ELOVL6: variants seen among roughly 807,000 people sequenced by gnomAD.
ELOVL6 encodes the protein ELOVL fatty acid elongase 6.
Under a neutral mutation model 31.7 loss-of-function variants are expected in ELOVL6, and 8 were observed. The observed-to-expected ratio is 0.25, with a 90% CI of 0.15 to 0.45. The LOEUF (loss-of-function observed/expected upper bound fraction) is 0.45, where lower values mean the gene tolerates loss of function less well. Ranked by LOEUF, ELOVL6 falls within the 20% of genes least tolerant of loss-of-function variation. The pLI, the probability that ELOVL6 is intolerant of heterozygous loss-of-function variation, is 1.00. For synonymous variants in ELOVL6, 101 were observed against 117.7 expected (o/e 0.86, Z 0.92); for missense variants, 126 against 326.4 (o/e 0.39, Z 4.73).
intron 1 of ELOVL6, among the ~76,000 whole-genome samples, chr4:110,120,403 C>G (rs1247693114): frequency 6.6e-6 from 1 of 150,566 alleles, no homozygotes. Context: ...CTTCTTGAGT[C>G]TAAGGCCTTT....
intron 2 of ELOVL6, among the ~76,000 whole-genome samples, chr4:110,104,073 T>TA (rs1355646989): frequency 6.6e-6 from 1 of 152,090 alleles, no homozygotes; most frequent in East Asian, 1.9e-4. Flanking sequence ...TTAACCAAGG[T>TA]AGGGGTTGCA....
At position 110,061,549 on chromosome 4, in the gene ELOVL6, C is replaced by CTTTTTTTTTTTTTTTTTTTTTTT. The variant is rs57846282; in HGVS notation, c.222-1818_222-1796dup. ...CTGTCTTTCCCTCACCAAATGATGG[C>CTTTTTTTTTTTTTTTTTTTTTTT]TTTTTTTTTTTTTTTTTTTTTTTTT... On this transcript the variant is annotated intron_variant, in intron 2 of 3. Coordinates refer to ENST00000302274, the MANE Select transcript of ELOVL6 (RefSeq NM_024090.3). Among the ~76,000 whole-genome samples the CTTTTTTTTTTTTTTTTTTTTTTT allele has an allele frequency of 1.9e-4, 14 of 72,380 alleles. 2 individuals are homozygous for CTTTTTTTTTTTTTTTTTTTTTTT. The highest frequency in any genetic ancestry group is 1.0e-3 in the East Asian group (2 of 1,970). 47.5% of individuals were successfully genotyped at this position (72,380 alleles called of 152,430 possible). A position where few individuals can be genotyped will look rare whatever the true frequency, so the allele number is the denominator to read the frequency against.
chr4:110,084,136 TG>T (rs1483933389), intron 2 of ELOVL6, among the ~76,000 whole-genome samples: 3 of 43,672 alleles, frequency 6.9e-5, no homozygotes, highest in African/African-American at 4.7e-4. Context: ...TATGTGATAA[TG>T]ATATATATGA....
At chr4:110,149,248 C>T (rs1268666194) in intron 1 of ELOVL6, among the ~76,000 whole-genome samples, 3 of 152,168 alleles carry the variant, frequency 2.0e-5, no homozygotes, top group African/African-American at 7.2e-5. Flanking sequence ...AAAAATACGA[C>T]TAACCTTTGA....
At chr4:110,176,782 G>A (rs1759118187) in intron 1 of ELOVL6, among the ~76,000 whole-genome samples, 1 of 152,170 alleles carries the variant, frequency 6.6e-6, no homozygotes, top group Non-Finnish European at 1.5e-5. Context: ...TTGTTGCCCA[G>A]GCTGGAGTGC....
At position 110,048,027 on chromosome 4, in the gene ELOVL6, CTT is replaced by C. The variant is rs1339897868; in HGVS notation, c.*3309_*3310del. On this transcript the variant is annotated 3_prime_UTR_variant, in exon 4 of 4. Transcript: ENST00000302274. ...TAACTCAGTCTAGACATATTAGTCTCTTTTCTCATCAGTTTCTTTACATGAGC... is the reference window on the plus strand; with the variant it reads ...TAACTCAGTCTAGACATATTAGTCTCTTCTCATCAGTTTCTTTACATGAGC... The C allele has an allele frequency of 6.6e-6, 1 of 151,926 alleles. No homozygotes were observed. The highest frequency in any genetic ancestry group is 1.5e-5 in the Non-Finnish European group (1 of 67,982). 9.4% of individuals were successfully genotyped at this position (151,926 alleles called of 1,614,324 possible). A position where few individuals can be genotyped will look rare whatever the true frequency, so the allele number is the denominator to read the frequency against.
chr4:110,084,588 A>ATTTTTTTTTTTTTTT (rs1168880044), intron 2 of ELOVL6, among the ~76,000 whole-genome samples: 1 of 29,660 alleles, frequency 3.4e-5, no homozygotes, highest in African/African-American at 2.2e-4. Context: ...ATATATATAT[A>ATTTTTTTTTTTTTTT]TTTTTTTTTT....
At chr4:110,082,708 A>C (rs918391442) in intron 2 of ELOVL6, among the ~76,000 whole-genome samples, 1 of 152,176 alleles carries the variant, frequency 6.6e-6, no homozygotes, top group South Asian at 2.1e-4. Context: ...ACAAACCTGC[A>C]CATTGTGCAC....
chr4:110,105,264 A>G (rs886239349), intron 2 of ELOVL6, among the ~76,000 whole-genome samples: 1 of 152,194 alleles, frequency 6.6e-6, no homozygotes, highest in Non-Finnish European at 1.5e-5. Context: ...TTACTGCATG[A>G]CCAATTTGGA....
chr4:110,081,482 A>G (rs546416568), intron 2 of ELOVL6, among the ~76,000 whole-genome samples: 53 of 152,336 alleles, frequency 3.5e-4, no homozygotes, highest in Admixed American at 3.2e-3. Context: ...GACAAAAACA[A>G]GAAATGGGGA....
chr4:110,090,257 A>T (rs1248758858), intron 2 of ELOVL6, among the ~76,000 whole-genome samples: 1 of 152,180 alleles, frequency 6.6e-6, no homozygotes, highest in Middle Eastern at 3.2e-3. Flanking sequence ...TAGACTGTGT[A>T]TGGAGAAGGG....
Position 110,197,819 on chromosome 4 carries a change from A to T in ELOVL6, c.89+428T>A, listed in dbSNP as rs528905344. On this transcript the variant is annotated intron_variant, in intron 1 of 3. Coordinates refer to ENST00000302274, the MANE Select transcript of ELOVL6 (RefSeq NM_024090.3). ...GAGAGGGTTAAAGGCAACAGGAGACAAGGTCCTCCCTCCACTGCCTTTCAC... is the reference window on the plus strand; with the variant it reads ...GAGAGGGTTAAAGGCAACAGGAGACTAGGTCCTCCCTCCACTGCCTTTCAC... 50 of 194,552 alleles carry T rather than the reference A, an allele frequency of 2.6e-4. No individual in the cohort carries two copies. The East Asian group carries it at 6.5e-3, about 25-fold the overall frequency. The allele number at this position is 194,552 out of a possible 1,614,324, so 12.1% of individuals were successfully genotyped here.
In ELOVL6 at chr4:110,147,780, G is replaced by GACACACACACAC. The variant is rs58644594; in HGVS notation, c.90-42164_90-42153dup. On this transcript the variant is annotated intron_variant, in intron 1 of 3. Coordinates refer to ENST00000302274, the MANE Select transcript of ELOVL6 (RefSeq NM_024090.3). Reference sequence around the variant, plus strand: ...CACTGCAGCCCAGGTGACAGAGCAGGACACACACACACACACACACACACA... The same window carrying GACACACACACAC: ...CACTGCAGCCCAGGTGACAGAGCAGGACACACACACACACACACACACACACACACACACACA... Among the ~76,000 whole-genome samples, 309 of 142,734 alleles carry GACACACACACAC rather than the reference G, an allele frequency of 2.2e-3. 2 individuals are homozygous for GACACACACACAC. The highest frequency in any genetic ancestry group is 4.9e-3 in the Admixed American group (70 of 14,244). 93.6% of individuals were successfully genotyped at this position (142,734 alleles called of 152,430 possible).
intron 2 of ELOVL6, among the ~76,000 whole-genome samples, chr4:110,094,095 C>G (rs1756496865): frequency 6.6e-6 from 1 of 151,664 alleles, no homozygotes; most frequent in South Asian, 2.1e-4. Context: ...ACCAAAAACA[C>G]AAAATTAGCC....
intron 1 of ELOVL6, among the ~76,000 whole-genome samples, chr4:110,127,573 A>C (rs1757544706): frequency 1.4e-5 from 1 of 73,400 alleles, no homozygotes; most frequent in East Asian, 4.8e-4. Context: ...TTCATAAGTT[A>C]TGAGTTAGTT....
At chr4:110,094,439 AT>A (rs1560820693) in intron 2 of ELOVL6, among the ~76,000 whole-genome samples, 4 of 49,188 alleles carry the variant, frequency 8.1e-5, no homozygotes, top group Non-Finnish European at 1.0e-4. Flanking sequence ...ATATATATAT[AT>A]ATAATATATA....
At chr4:110,103,461 A>T (rs1045191064) in intron 2 of ELOVL6, among the ~76,000 whole-genome samples, 5 of 149,016 alleles carry the variant, frequency 3.4e-5, no homozygotes, top group African/African-American at 1.2e-4. Flanking sequence ...TAACTAACTT[A>T]AAAAAAAAAC....
intron 1 of ELOVL6, among the ~76,000 whole-genome samples, chr4:110,178,140 T>C (rs1262701868): frequency 6.6e-6 from 1 of 152,122 alleles, no homozygotes; most frequent in Non-Finnish European, 1.5e-5. Flanking sequence ...ATTCTCTCAT[T>C]TACAGTTTGG....
chr4:110,084,185 A>ACATATAAGTTATATGATATATATAT (rs1756066481), intron 2 of ELOVL6, among the ~76,000 whole-genome samples: 1 of 67,598 alleles, frequency 1.5e-5, no homozygotes. Flanking sequence ...GATATATATA[A>ACATATAAGTTATATGATATATATAT]CATATAACTT....
Sources: gnomAD v4.1 joint callset for allele counts (sites outside exome capture counted in the v4.1 genomes callset) on GRCh38, gnomAD v4.1.1 for gene constraint, MANE v1.5 for transcripts, NCBI Gene and HGNC (gene_info 2026-07-23, HGNC 2026-07-21) for gene names.